CPAP: variants seen among roughly 807,000 people sequenced by gnomAD.
CPAP encodes centrosome assembly and centriole elongation protein.
At chr13:24,892,743 C>G in the CPAP span, 4 of 1,613,924 alleles carry the variant, frequency 2.5e-6, no homozygotes, top group African/African-American at 4.0e-5. Context: ...TATTTCTTCC[C>G]GGAGGTCTGT....
chr13:24,896,458 G>A, the CPAP span, among the ~76,000 whole-genome samples: 1 of 152,234 alleles, frequency 6.6e-6, no homozygotes, highest in Non-Finnish European at 1.5e-5. Context: ...TAGCTAATGG[G>A]AATGAGAAAC....
chr13:24,913,813 T>C, the CPAP span, among the ~76,000 whole-genome samples: 1 of 152,266 alleles, frequency 6.6e-6, no homozygotes, highest in African/African-American at 2.4e-5. Context: ...CATTGGCTCA[T>C]GCCATAACTC....
chr13:24,907,954 T>A, the CPAP span: 165,705 of 1,158,202 alleles, frequency 0.14, 12,941 homozygotes, highest in East Asian at 0.28. Flanking sequence ...AAGAAAGTGT[T>A]CAATAATAAA....
chr13:24,929,067 T>C, the CPAP span, among the ~76,000 whole-genome samples: 1 of 152,244 alleles, frequency 6.6e-6, no homozygotes, highest in Non-Finnish European at 1.5e-5. Context: ...CTGTAGGTTT[T>C]TATTACACAT....
At chr13:24,910,116 T>A in the CPAP span, 15 of 1,603,028 alleles carry the variant, frequency 9.4e-6, no homozygotes, top group African/African-American at 4.0e-5. Context: ...ACAAAGCTGA[T>A]GACTTCCTTC....
chr13:24,885,964 G>A, the CPAP span: 1 of 439,732 alleles, frequency 2.3e-6, no homozygotes, highest in Non-Finnish European at 4.2e-6. Context: ...AAGGTGTAAG[G>A]TGCAGATAAA....
the CPAP span, chr13:24,905,492 T>A: frequency 1.2e-6 from 2 of 1,614,068 alleles, no homozygotes; most frequent in Non-Finnish European, 1.7e-6. Context: ...GCTCAAGTCT[T>A]CTCCCCTCTT....
the CPAP span, among the ~76,000 whole-genome samples, chr13:24,933,903 TTAGTAGAG>T: frequency 0.019 from 2,929 of 152,208 alleles, 81 homozygotes; most frequent in African/African-American, 0.065. Context: ...TTTTGTACTT[TTAGTAGAG>T]ACAGGATTTT....
the CPAP span, chr13:24,910,036 T>G: frequency 6.2e-7 from 1 of 1,613,804 alleles, no homozygotes; most frequent in South Asian, 1.1e-5. Flanking sequence ...GTGGTGGTAT[T>G]TCCTGGAGAC....
the CPAP span, among the ~76,000 whole-genome samples, chr13:24,923,985 C>T: frequency 5.9e-5 from 9 of 152,162 alleles, no homozygotes; most frequent in East Asian, 1.9e-4. Context: ...CCCGCCACCA[C>T]GCCTGGCTAA....
At chr13:24,913,394 TAA>T in the CPAP span, among the ~76,000 whole-genome samples, 1 of 146,088 alleles carries the variant, frequency 6.8e-6, no homozygotes. Context: ...GTTATTCACT[TAA>T]AAAAAAAAAG....
At chr13:24,898,632 A>G in the CPAP span, among the ~76,000 whole-genome samples, 1 of 152,216 alleles carries the variant, frequency 6.6e-6, no homozygotes, top group African/African-American at 2.4e-5. Flanking sequence ...AAAAATAAAG[A>G]AGGAGAATTA....
chr13:24,893,197 AAAG>A, the CPAP span, among the ~76,000 whole-genome samples: 1 of 152,254 alleles, frequency 6.6e-6, no homozygotes, highest in Non-Finnish European at 1.5e-5. Context: ...GAGATCCCAA[AAAG>A]AAGAAATGCA....
chr13:24,916,247 T>C, the CPAP span, among the ~76,000 whole-genome samples: 1 of 152,086 alleles, frequency 6.6e-6, no homozygotes, highest in Non-Finnish European at 1.5e-5. Flanking sequence ...AGTACTGAAG[T>C]GGAATAACAT....
chr13:24,910,138 T>C, the CPAP span: 31 of 1,558,350 alleles, frequency 2.0e-5, no homozygotes, highest in Non-Finnish European at 2.5e-5. Flanking sequence ...ACATTTTCTC[T>C]TTTATCCCCA....
At chr13:24,909,991 CA>C in the CPAP span, 5 of 1,614,134 alleles carry the variant, frequency 3.1e-6, no homozygotes, top group Non-Finnish European at 4.2e-6. Context: ...TCCGGGTAGA[CA>C]TATGATGGGA....
At chr13:24,921,626 C>CTT in the CPAP span, among the ~76,000 whole-genome samples, 34 of 149,978 alleles carry the variant, frequency 2.3e-4, 2 homozygotes, top group East Asian at 6.5e-3. Flanking sequence ...AAAGTAATGA[C>CTT]TTTTTTTTTT....
chr13:24,892,662 T>A, the CPAP span: 1 of 1,613,992 alleles, frequency 6.2e-7, no homozygotes, highest in South Asian at 1.1e-5. Context: ...GTCCTTCTTC[T>A]CCACCTCGAG....
the CPAP span, among the ~76,000 whole-genome samples, chr13:24,889,853 A>G: frequency 1.3e-5 from 2 of 151,464 alleles, no homozygotes; most frequent in African/African-American, 4.9e-5. Context: ...CCCCACCTCC[A>G]TTTCTGGCCA....
Sources: allele counts gnomAD v4.1 joint callset (sites outside exome capture counted in the v4.1 genomes callset), GRCh38; gene constraint gnomAD v4.1.1; transcripts MANE v1.5; gene names NCBI Gene and HGNC (gene_info 2026-07-23, HGNC 2026-07-21).